YEATS2: variants seen among roughly 807,000 people sequenced by gnomAD.
YEATS2 encodes YEATS domain containing 2, also known as YEATS domain-containing protein 2.
A neutral mutation model predicts 163.2 loss-of-function variants in YEATS2; 77 were observed. The observed-to-expected ratio is 0.47, with a 90% confidence interval of 0.39 to 0.57. The LOEUF (loss-of-function observed/expected upper bound fraction) is 0.57, where lower values mean the gene tolerates loss of function less well. Ranked by LOEUF, YEATS2 falls within the 20% of genes least tolerant of loss-of-function variation. YEATS2 has a pLI of 0.00. For missense variants in YEATS2, 1,549 were observed against 1,729.8 expected (o/e 0.90, Z 1.85); for synonymous variants, 631 against 645.1 (o/e 0.98, Z 0.33).
intron 1 of YEATS2, among the ~76,000 whole-genome samples, chr3:183,711,792 C>T (rs1229373799): frequency 6.6e-6 from 1 of 150,562 alleles, no homozygotes; most frequent in Non-Finnish European, 1.5e-5. Flanking sequence ...GGACTAAGAG[C>T]TGAGGGACTT....
At chr3:183,783,137 G>C (rs1269615965) in intron 19 of YEATS2, among the ~76,000 whole-genome samples, 2 of 152,242 alleles carry the variant, frequency 1.3e-5, no homozygotes, top group Non-Finnish European at 2.9e-5. Flanking sequence ...GATAGTGCTA[G>C]CTGTGTGACC....
At chr3:183,804,574 G>A (rs1020508980) in intron 27 of YEATS2, among the ~76,000 whole-genome samples, 1 of 152,228 alleles carries the variant, frequency 6.6e-6, no homozygotes, top group Non-Finnish European at 1.5e-5. Flanking sequence ...GTGAAGATGA[G>A]GCCTGTGTCT....
At chr3:183,780,446 G>A (rs1723460910) in intron 19 of YEATS2, among the ~76,000 whole-genome samples, 1 of 152,220 alleles carries the variant, frequency 6.6e-6, no homozygotes, top group South Asian at 2.1e-4. Context: ...CACTTGGCGA[G>A]GCTTTCTTCT....
chr3:183,798,931 G>T lies in YEATS2; in HGVS notation c.3267G>T (p.Leu1089=). 2 of 1,614,084 alleles carry T rather than the reference G, an allele frequency of 1.2e-6. No homozygotes were observed. The highest frequency in any genetic ancestry group is 1.1e-5 in the South Asian group (1 of 91,082). ...SFSTSKPPAI[L]PVAAPTPVVP... is the part of the protein sequence containing the mutation. ...CTACCAGCAAGCCACCTGCCATTCT[G>T]CCTGTAGCTGCCCCAACTCCAGTTG... The change falls in exon 23 of 31, where the codon CTG becomes CTT. Residue 1089 remains leucine, a synonymous_variant. Transcript: ENST00000305135.
intron 30 of YEATS2, chr3:183,810,250 A>G: frequency 2.1e-6 from 1 of 470,902 alleles, no homozygotes; most frequent in Non-Finnish European, 3.8e-6. Flanking sequence ...CTCAGTTCTC[A>G]GAATCTTTTT....
At position 183,810,873 on chromosome 3, in the gene YEATS2, C is replaced by G; in HGVS notation, c.*290C>G. 2.7e-6 allele frequency: 1 copy of G among 372,994 alleles called. No homozygotes were observed. Among genetic ancestry groups the G allele is most frequent in the South Asian group, 2.5e-5 (1 of 39,684 alleles). The allele number at this position is 372,994 out of a possible 1,614,324, so 23.1% of individuals were successfully genotyped here. A position where few individuals can be genotyped will look rare whatever the true frequency, so the allele number is the denominator to read the frequency against. Reference sequence around the variant, plus strand: ...AAGGCCCCACGAGAGCGGGCCAGGCCGTGTGCCTCAGGCCCTTCTCCCTGG... The same window carrying G: ...AAGGCCCCACGAGAGCGGGCCAGGCGGTGTGCCTCAGGCCCTTCTCCCTGG... On this transcript the variant is annotated 3_prime_UTR_variant, in exon 31 of 31. Transcript: ENST00000305135.
chr3:183,774,585 C>T (rs974187001), intron 17 of YEATS2, among the ~76,000 whole-genome samples: 52 of 152,258 alleles, frequency 3.4e-4, no homozygotes, highest in African/African-American at 1.2e-3. Flanking sequence ...AGTCTTAAAG[C>T]CCCATGGAAA....
chr3:183,802,259 A>C (rs1360869300), intron 25 of YEATS2: 1 of 152,702 alleles, frequency 6.5e-6, no homozygotes, highest in Non-Finnish European at 1.5e-5. Flanking sequence ...ATGCACACTC[A>C]GAGGGGAGCC....
chr3:183,766,980 ATGT>A (rs1451161799), intron 15 of YEATS2, among the ~76,000 whole-genome samples: 7 of 152,060 alleles, frequency 4.6e-5, no homozygotes, highest in Admixed American at 3.9e-4. Flanking sequence ...TGGCCAAAGT[ATGT>A]TGTTTTAAAA....
chr3:183,720,590 A>G (rs1305743709), intron 4 of YEATS2, among the ~76,000 whole-genome samples: 2 of 152,184 alleles, frequency 1.3e-5, no homozygotes, highest in Non-Finnish European at 2.9e-5. Context: ...TATAGAAACT[A>G]GAGCATTATT....
Position 183,736,794 on chromosome 3 carries a change from C to T in YEATS2, c.889C>T (p.Gln297Ter). Residue 297 changes from glutamine to a stop codon, truncating the protein, a stop_gained, in exon 8 of 31, where the codon CAG (glutamine) becomes TAG (stop). Transcript: ENST00000305135. LOFTEE classifies it high-confidence loss of function. ...AGTTCAAGTTCATTTTAAGGACAGC[C>T]AGAACAAGCGGATAGATATCATACA... The part of the protein sequence containing the change: ...VRVQVHFKDS[Q>*]NKRIDIIHNL... 6.2e-7 allele frequency: 1 copy of T among 1,613,808 alleles called. No individual in the cohort carries two copies. Among genetic ancestry groups the T allele is most frequent in the Non-Finnish European group, 8.5e-7 (1 of 1,179,900 alleles).
intron 20 of YEATS2, among the ~76,000 whole-genome samples, chr3:183,788,850 TTTTGA>T (rs1724322960): frequency 6.6e-6 from 1 of 152,232 alleles, no homozygotes; most frequent in Non-Finnish European, 1.5e-5. Context: ...CTCATTGTAG[TTTTGA>T]TTTGTGTTTC....
Position 183,712,187 on chromosome 3 carries a change from CTTTTA to C in YEATS2, c.-19-2922_-19-2918del, listed in dbSNP as rs58510341. Among the ~76,000 whole-genome samples the C allele has an allele frequency of 1.5e-3, 171 of 113,458 alleles. 2 individuals carry two copies. The highest frequency in any genetic ancestry group is 2.4e-3 in the Non-Finnish European group (133 of 54,426). The allele number at this position is 113,458 out of a possible 152,430, so 74.4% of individuals were successfully genotyped here. On this transcript the variant is annotated intron_variant, in intron 1 of 30. Coordinates refer to ENST00000305135, the MANE Select transcript of YEATS2 (RefSeq NM_018023.5). ...TATTTTTGAGTTAGCATTTTATGTT[CTTTTA>C]TTTTATTTTATTTTATTTTATTTTA...
chr3:183,809,058 A>G, intron 29 of YEATS2, 39 bp from the exon 30 acceptor site: 1 of 1,604,322 alleles, frequency 6.2e-7, no homozygotes, highest in Non-Finnish European at 8.5e-7. Context: ...GCCAGCAAGC[A>G]GATGGCCATT....
intron 1 of YEATS2, among the ~76,000 whole-genome samples, chr3:183,700,770 CAAAAAAAAAAAA>C (rs774835127): frequency 1.9e-3 from 71 of 37,750 alleles, no homozygotes; most frequent in Middle Eastern, 0.013. Context: ...GACTTCGTCT[CAAAAAAAAAAAA>C]AAAAAAAAAA....
intron 1 of YEATS2, among the ~76,000 whole-genome samples, chr3:183,700,182 G>A (rs1354367873): frequency 8.5e-5 from 13 of 152,090 alleles, no homozygotes. Flanking sequence ...TTGACATACA[G>A]CATGCAGAGT....
chr3:183,741,901 T>C (rs1345670354), intron 8 of YEATS2, among the ~76,000 whole-genome samples: 5 of 151,588 alleles, frequency 3.3e-5, no homozygotes, highest in East Asian at 2.0e-4. Flanking sequence ...CATTCAAGTC[T>C]TACTGTTTTA....
intron 12 of YEATS2, 102 bp downstream of exon 12, chr3:183,756,791 TC>T (rs1400959483): frequency 9.4e-7 from 1 of 1,069,104 alleles, no homozygotes; most frequent in African/African-American, 1.6e-5. Flanking sequence ...GAATGAAATC[TC>T]CCGTAAACGA....
rs1577236733 is a variant in YEATS2 at position 183,808,226 on chromosome 3, G to A, written c.4086+122G>A. 7.9e-6 allele frequency: 6 copies of A among 759,158 alleles called. No individual in the cohort carries two copies. In the East Asian group the frequency reaches 1.8e-4, roughly 23 times the overall value. The allele number at this position is 759,158 out of a possible 1,614,324, so 47.0% of individuals were successfully genotyped here. ...CTTTAAAATGTCTCGTCTTATTTGG[G>A]CTTAAGTTCTCTCTTTTTGTTTTTT... On this transcript the variant is annotated intron_variant, in intron 29 of 30. Coordinates refer to ENST00000305135, the MANE Select transcript of YEATS2 (RefSeq NM_018023.5).
Sources: allele counts gnomAD v4.1 joint callset (sites outside exome capture counted in the v4.1 genomes callset), GRCh38; gene constraint gnomAD v4.1.1; transcripts MANE v1.5; gene names NCBI Gene and HGNC (gene_info 2026-07-23, HGNC 2026-07-21).